The following CALY variants were observed in gnomAD, a reference collection of about 807,000 sequenced individuals.
CALY encodes calcyon neuron specific vesicular protein.
A neutral mutation model predicts 20.2 loss-of-function variants in CALY; 15 were observed. The observed-to-expected ratio is 0.74, with a 90% CI of 0.50 to 1.14. CALY has a LOEUF of 1.14. Ranked by LOEUF, CALY falls within the 50% of genes most tolerant of loss-of-function variation. CALY has a pLI of 0.00. For synonymous variants in CALY, 129 were observed against 131.8 expected (o/e 0.98, Z 0.15); for missense variants, 270 against 304.4 (o/e 0.89, Z 0.84).
intron 1 of CALY, among the ~76,000 whole-genome samples, chr10:133,336,200 G>A (rs182862779): frequency 2.0e-5 from 3 of 152,158 alleles, no homozygotes; most frequent in African/African-American, 7.2e-5. Context: ...CTGCGGGGTC[G>A]GCGCAGCCCC....
At chr10:133,333,537 G>A (rs1347625708) in intron 1 of CALY, among the ~76,000 whole-genome samples, 2 of 150,626 alleles carry the variant, frequency 1.3e-5, no homozygotes, top group East Asian at 2.0e-4. Flanking sequence ...TCTGAGGGGG[G>A]AAGAATCCGA....
chr10:133,328,416 G>C lies in CALY; in HGVS notation c.136-401C>G, dbSNP rs74505632. 1.5e-3 allele frequency among the ~76,000 whole-genome samples: 233 copies of C among 152,276 alleles called. 5 individuals are homozygous for C. In the East Asian group the frequency reaches 0.036, roughly 24 times the overall value. On this transcript the variant is annotated intron_variant, in intron 2 of 5. Coordinates refer to ENST00000252939, the MANE Select transcript of CALY (RefSeq NM_015722.4). ...GCCCTTCATGCTGCATGACTCCCTG[G>C]GGGGTCAAACTGGGCTGGGCTCAAG... is the stretch of plus-strand genomic sequence containing the variant.
At chr10:133,328,213 G>C (rs1015973105) in intron 2 of CALY, among the ~76,000 whole-genome samples, 198 bp from the exon 3 acceptor site, 2 of 152,218 alleles carry the variant, frequency 1.3e-5, no homozygotes, top group Non-Finnish European at 2.9e-5. Flanking sequence ...CTGAAAGTCT[G>C]TCTGCTGGGC....
At chr10:133,336,624 AG>A (rs1330447177) in intron 1 of CALY, among the ~76,000 whole-genome samples, 1 of 152,138 alleles carries the variant, frequency 6.6e-6, no homozygotes, top group African/African-American at 2.4e-5. Context: ...GGCCCGAGGG[AG>A]GAGGGCGGCC....
chr10:133,325,913 C>G lies in CALY; in HGVS notation c.568G>C (p.Glu190Gln), dbSNP rs1411018781. Residue 190 changes from glutamate (E) to glutamine (Q), a missense_variant, in exon 5 of 6, where the codon GAA becomes CAA. Glu to Gln is a conservative substitution (Grantham distance 29, BLOSUM62 2). Transcript: ENST00000252939. Reference protein sequence around the residue: ...TQAGAAAAATEPPGKPSAKAE... With the variant: ...TQAGAAAAATQPPGKPSAKAE... ...TTGGCCGACGGCTTCCCGGGGGGTT[C>G]GGTGGCCGCCGCCGCCGCCCCAGCC... 2 of 1,300,778 alleles carry G rather than the reference C, an allele frequency of 1.5e-6. No homozygotes were observed. Among genetic ancestry groups the G allele is most frequent in the African/African-American group, 3.1e-5 (2 of 65,082 alleles). 80.6% of individuals were successfully genotyped at this position (1,300,778 alleles called of 1,614,324 possible). A position where few individuals can be genotyped will look rare whatever the true frequency, so the allele number is the denominator to read the frequency against.
Position 133,324,158 on chromosome 10 carries a change from G to A in CALY, c.*1437C>T, listed in dbSNP as rs552969265. On this transcript the variant is annotated 3_prime_UTR_variant, in exon 6 of 6. Transcript: ENST00000252939. ...TATCCCAGCTGACGCCCCAGGCCCC[G>A]GGCCCCCCTCCCTTGCAGGCCATCA... The A allele has an allele frequency of 9.3e-6, 3 of 321,042 alleles. No individual in the cohort carries two copies. The highest frequency in any genetic ancestry group is 7.0e-5 in the South Asian group (3 of 42,782). The allele number at this position is 321,042 out of a possible 1,614,324, so 19.9% of individuals were successfully genotyped here.
In CALY at chr10:133,325,786, G is replaced by GGC; in HGVS notation, c.*28+11_*28+12dup. ...TGGGCAGAGCCGGCCGGAGCCCCGC[G>GGC]GCGCGCACCTACCCCGGGCCGGGCT... On this transcript the variant is annotated intron_variant, in intron 5 of 5. Transcript: ENST00000252939. 1 of 1,123,522 alleles carries GGC rather than the reference G, an allele frequency of 8.9e-7. No homozygotes were observed. 69.6% of individuals were successfully genotyped at this position (1,123,522 alleles called of 1,614,324 possible).
rs571002055 is a variant in CALY at position 133,327,819 on chromosome 10, C to T, written c.246+86G>A. On this transcript the variant is annotated intron_variant, in intron 3 of 5. Transcript: ENST00000252939. ...GAGAGCAAGGGGACCCCAGACTGGC[C>T]TGGACGGAACCCAGGCACCCCCAGC... 57 of 887,428 alleles carry T rather than the reference C, an allele frequency of 6.4e-5. 1 individual carries two copies. In the East Asian group the frequency reaches 1.5e-3, roughly 23 times the overall value. The allele number at this position is 887,428 out of a possible 1,614,324, so 55.0% of individuals were successfully genotyped here.
chr10:133,330,309 C>A (rs1299671259), intron 1 of CALY, among the ~76,000 whole-genome samples: 13 of 137,464 alleles, frequency 9.5e-5, no homozygotes, highest in Non-Finnish European at 1.5e-4. Flanking sequence ...GCCGAGATCA[C>A]GCCACTGCAC....
In CALY at chr10:133,324,542, G is replaced by A; in HGVS notation, c.*1053C>T. 2.9e-6 allele frequency: 1 copy of A among 341,572 alleles called. No homozygotes were observed. The highest frequency in any genetic ancestry group is 5.9e-6 in the Non-Finnish European group (1 of 169,612). 21.2% of individuals were successfully genotyped at this position (341,572 alleles called of 1,614,324 possible). A position where few individuals can be genotyped will look rare whatever the true frequency, so the allele number is the denominator to read the frequency against. ...AGTGCTGCAATTGGCTGGGGTGGGCGGGGCTGCAGTGCTGCAATTGGCTGG... is the reference window on the plus strand; with the variant it reads ...AGTGCTGCAATTGGCTGGGGTGGGCAGGGCTGCAGTGCTGCAATTGGCTGG... On this transcript the variant is annotated 3_prime_UTR_variant, in exon 6 of 6. Transcript: ENST00000252939.
At chr10:133,329,250 C>T (rs1220701323) in intron 1 of CALY, among the ~76,000 whole-genome samples, 2 of 152,240 alleles carry the variant, frequency 1.3e-5, no homozygotes, top group East Asian at 1.9e-4. Context: ...CAGGGTACAG[C>T]GCCCCAACCA....
At chr10:133,336,463 G>T (rs577700493) in intron 1 of CALY, among the ~76,000 whole-genome samples, 4 of 152,212 alleles carry the variant, frequency 2.6e-5, no homozygotes, top group Non-Finnish European at 5.9e-5. Flanking sequence ...ACAGAGCTGG[G>T]CGGGAGCTGG....
At chr10:133,330,887 G>A (rs1031708821) in intron 1 of CALY, among the ~76,000 whole-genome samples, 9 of 151,914 alleles carry the variant, frequency 5.9e-5, no homozygotes, top group Non-Finnish European at 1.0e-4. Flanking sequence ...GCCAGCCCCC[G>A]CCACACGTAC....
chr10:133,333,619 G>A (rs1431793486), intron 1 of CALY, among the ~76,000 whole-genome samples: 4 of 150,274 alleles, frequency 2.7e-5, no homozygotes, highest in African/African-American at 9.8e-5. Context: ...CTGAGAGGGA[G>A]GGCTCTGAGG....
chr10:133,328,958 T>C lies in CALY; in HGVS notation c.32A>G (p.Lys11Arg). MVKLGCSFSG[K>R]PGKDPGDQDG... ...CTGGTCCCCAGGGTCTTTACCTGGC[T>C]TCCCAGAGAAGCTGCAGCCCAGCTT... is the stretch of plus-strand genomic sequence containing the variant. The change falls in exon 2 of 6, where the codon AAG (lysine) becomes AGG (arginine). Residue 11 changes from lysine (K) to arginine (R), a missense_variant. Transcript: ENST00000252939. The C allele has an allele frequency of 6.4e-7, 1 of 1,565,552 alleles. No homozygotes were observed. The highest frequency in any genetic ancestry group is 1.2e-5 in the South Asian group (1 of 85,478).
intron 1 of CALY, among the ~76,000 whole-genome samples, chr10:133,331,516 TTAAA>T (rs1481372859): frequency 6.6e-6 from 1 of 152,144 alleles, no homozygotes; most frequent in Non-Finnish European, 1.5e-5. Context: ...AGTACTCAAT[TTAAA>T]TAATATCAAA....
At chr10:133,330,931 T>C (rs948834072) in intron 1 of CALY, among the ~76,000 whole-genome samples, 5 of 152,144 alleles carry the variant, frequency 3.3e-5, no homozygotes, top group Non-Finnish European at 5.9e-5. Flanking sequence ...TCAAGCAGCG[T>C]GAATCCAGCG....
chr10:133,328,936 G>C lies in CALY; in HGVS notation c.54C>G (p.Asp18Glu). 6.4e-7 allele frequency: 1 copy of C among 1,561,782 alleles called. No individual in the cohort carries two copies. The highest frequency in any genetic ancestry group is 8.7e-7 in the Non-Finnish European group (1 of 1,152,146). ...CACTGTCCATGGCAGCCCCATCCTG[G>C]TCCCCAGGGTCTTTACCTGGCTTCC... is the stretch of plus-strand genomic sequence containing the variant. ...FSGKPGKDPG[D>E]QDGAAMDSVP... Residue 18 changes from aspartate to glutamate, a missense_variant, in exon 2 of 6, where the codon GAC (aspartate) becomes GAG (glutamate). Asp to Glu is a conservative substitution (Grantham distance 45). Coordinates refer to ENST00000252939, the MANE Select transcript of CALY (RefSeq NM_015722.4).
intron 1 of CALY, among the ~76,000 whole-genome samples, chr10:133,329,443 G>A (rs992129430): frequency 8.1e-5 from 12 of 148,522 alleles, no homozygotes; most frequent in African/African-American, 3.0e-4. Context: ...TGGGAGTGCA[G>A]TGGTGTGTTC....
Sources: allele counts gnomAD v4.1 joint callset (sites outside exome capture counted in the v4.1 genomes callset), GRCh38; gene constraint gnomAD v4.1.1; transcripts MANE v1.5; gene names NCBI Gene and HGNC (gene_info 2026-07-23, HGNC 2026-07-21).